The following NTRK2 variants were observed in gnomAD, a reference collection of about 807,000 sequenced individuals.
NTRK2 encodes BDNF/NT-3 growth factors receptor.
Under a neutral mutation model 94.5 loss-of-function variants are expected in NTRK2, and 13 were observed. That is an observed-to-expected ratio of 0.14 (90% CI 0.09 to 0.22). The LOEUF (loss-of-function observed/expected upper bound fraction) is 0.22, where lower values mean the gene tolerates loss of function less well. Among genes scored for constraint, NTRK2 ranks in the 10% least tolerant of loss-of-function variants. NTRK2 has a pLI of 1.00. For synonymous variants in NTRK2, 372 were observed against 407.4 expected, an observed-to-expected ratio of 0.91 and a Z score of 1.05; for missense variants, 639 against 1,071.2, an observed-to-expected ratio of 0.60 and a Z score of 5.63.
At chr9:84,971,080 T>C (rs968515364) in intron 17 of NTRK2, among the ~76,000 whole-genome samples, 5 of 152,244 alleles carry the variant, frequency 3.3e-5, no homozygotes, top group African/African-American at 1.2e-4. Flanking sequence ...AAGACATAGA[T>C]TCATTTAAAA....
intron 14 of NTRK2, among the ~76,000 whole-genome samples, chr9:84,889,147 C>G (rs1221488977): frequency 6.7e-6 from 1 of 149,434 alleles, no homozygotes. Context: ...CCCGCTACCA[C>G]GCCCGGCTAA....
intron 14 of NTRK2, chr9:84,871,710 C>T: frequency 8.4e-7 from 1 of 1,197,112 alleles, no homozygotes; most frequent in Non-Finnish European, 1.3e-6. Flanking sequence ...AGATGGTTTG[C>T]AGGATTGTAG....
chr9:84,844,691 A>T (rs1475376409), intron 12 of NTRK2, among the ~76,000 whole-genome samples: 2 of 140,480 alleles, frequency 1.4e-5, no homozygotes, highest in Non-Finnish European at 3.2e-5. Context: ...ACACACACAC[A>T]CACGGCTATC....
rs1223680502 is a variant in NTRK2, at chr9:84,708,777, GACA to G, written c.428+870_428+872del. Among the ~76,000 whole-genome samples the G allele has an allele frequency of 2.0e-5, 3 of 152,222 alleles. No homozygotes were observed. In the East Asian group the frequency reaches 5.8e-4, roughly 29 times the overall value. ...GATTGGAAGATGTCACTGCTGGAGA[GACA>G]ACAAGTTAATAGGTGTAATGGGTGT... On this transcript the variant is annotated intron_variant, in intron 5 of 18. Transcript: ENST00000277120.
intron 2 of NTRK2, among the ~76,000 whole-genome samples, chr9:84,681,066 C>T (rs748138578): frequency 2.6e-5 from 4 of 152,226 alleles, no homozygotes; most frequent in Non-Finnish European, 4.4e-5. Context: ...GGCTGCTTCA[C>T]TTCCTGGGCT....
At chr9:84,746,292 T>A (rs1451937587) in intron 11 of NTRK2, among the ~76,000 whole-genome samples, 1 of 152,248 alleles carries the variant, frequency 6.6e-6, no homozygotes, top group Admixed American at 6.5e-5. Flanking sequence ...ATTTACGTAC[T>A]GTCTGTGGCT....
intron 2 of NTRK2, among the ~76,000 whole-genome samples, chr9:84,682,279 C>T (rs12554121): frequency 0.054 from 8,279 of 152,284 alleles, 366 homozygotes; most frequent in African/African-American, 0.11. Flanking sequence ...TGATTTTGCA[C>T]ATCTTCTCTC....
intron 12 of NTRK2, among the ~76,000 whole-genome samples, chr9:84,766,868 G>A (rs527315302): frequency 1.9e-4 from 29 of 151,664 alleles, no homozygotes; most frequent in Admixed American, 3.9e-4. Flanking sequence ...TAAAACACAC[G>A]TTCGACACAC....
At chr9:84,826,560 G>A (rs10512154) in intron 12 of NTRK2, among the ~76,000 whole-genome samples, 28,640 of 152,096 alleles carry the variant, frequency 0.19, 2,858 homozygotes, top group Non-Finnish European at 0.23. Context: ...TGAACTGAGA[G>A]GTTGATAGCA....
At chr9:84,870,089 C>T (rs911816655) in intron 14 of NTRK2, among the ~76,000 whole-genome samples, 3 of 122,562 alleles carry the variant, frequency 2.4e-5, no homozygotes, top group African/African-American at 9.7e-5. Context: ...TTAGATAATT[C>T]CCATTGACTA....
chr9:84,803,955 G>C (rs1205126538), intron 12 of NTRK2, among the ~76,000 whole-genome samples: 1 of 152,130 alleles, frequency 6.6e-6, no homozygotes, highest in Non-Finnish European at 1.5e-5. Context: ...TGGTGGATTT[G>C]ACTTTTGGGA....
chr9:84,752,343 G>A (rs2064705067), intron 12 of NTRK2, among the ~76,000 whole-genome samples: 1 of 152,178 alleles, frequency 6.6e-6, no homozygotes. Flanking sequence ...GACTAATAAA[G>A]ATATGACAAA....
intron 9 of NTRK2, among the ~76,000 whole-genome samples, chr9:84,739,818 C>T (rs761352986): frequency 6.6e-6 from 1 of 152,174 alleles, no homozygotes; most frequent in Non-Finnish European, 1.5e-5. Context: ...TGTAAGGAAT[C>T]CTCTTAGTTC....
chr9:84,805,985 C>G (rs999935497), intron 12 of NTRK2, among the ~76,000 whole-genome samples: 6 of 152,218 alleles, frequency 3.9e-5, no homozygotes, highest in Non-Finnish European at 7.3e-5. Flanking sequence ...AAATAAATTC[C>G]TTTTCTTTAT....
intron 7 of NTRK2, 92 bp from the exon 8 acceptor site, chr9:84,724,132 T>C: frequency 7.6e-7 from 1 of 1,315,030 alleles, no homozygotes; most frequent in Non-Finnish European, 1.1e-6. Flanking sequence ...TATATATACA[T>C]ATTTTCTCTA....
intron 12 of NTRK2, chr9:84,812,420 T>C (rs920208401): frequency 9.5e-7 from 1 of 1,055,694 alleles, no homozygotes; most frequent in Non-Finnish European, 1.1e-6. Context: ...CTAACTCCAT[T>C]TGAATGTAAG....
rs1437099458 is a variant in NTRK2 at position 85,024,747 on chromosome 9, C to T, written c.*3310C>T. The T allele has an allele frequency of 4.3e-6, 1 of 232,986 alleles. No homozygotes were observed. The highest frequency in any genetic ancestry group is 2.2e-5 in the African/African-American group (1 of 45,336). The allele number at this position is 232,986 out of a possible 1,614,324, so 14.4% of individuals were successfully genotyped here. ...AGATATTGTGATATATAATCATGCTCTTAGCTTCAGCTAAATTCAGCTAAA... is the reference window on the plus strand; with the variant it reads ...AGATATTGTGATATATAATCATGCTTTTAGCTTCAGCTAAATTCAGCTAAA... On this transcript the variant is annotated 3_prime_UTR_variant, in exon 19 of 19. Coordinates refer to ENST00000277120, the MANE Select transcript of NTRK2 (RefSeq NM_006180.6).
chr9:84,741,631 A>T (rs1278793965), intron 9 of NTRK2, among the ~76,000 whole-genome samples: 1 of 152,216 alleles, frequency 6.6e-6, no homozygotes, highest in African/African-American at 2.4e-5. Context: ...TGATTGCTGA[A>T]GTTTTTTCAA....
chr9:84,879,874 A>G (rs1235830181), intron 14 of NTRK2, among the ~76,000 whole-genome samples: 3 of 152,186 alleles, frequency 2.0e-5, no homozygotes, highest in African/African-American at 4.8e-5. Context: ...TGCTGAACTT[A>G]CTGATAAAGG....
Sources: gnomAD v4.1 joint callset for allele counts (sites outside exome capture counted in the v4.1 genomes callset) on GRCh38, gnomAD v4.1.1 for gene constraint, MANE v1.5 for transcripts, NCBI Gene and HGNC (gene_info 2026-07-23, HGNC 2026-07-21) for gene names.